SNTG1: variants seen among roughly 807,000 people sequenced by gnomAD.
SNTG1 encodes the protein gamma-1-syntrophin.
Under a neutral mutation model 74.7 loss-of-function variants are expected in SNTG1, and 39 were observed. The observed-to-expected ratio is 0.52, with a 90% CI of 0.40 to 0.68. SNTG1 has a LOEUF of 0.68. Ranked by LOEUF, SNTG1 falls within the 30% of genes least tolerant of loss-of-function variation. SNTG1 has a pLI of 0.00. For synonymous variants in SNTG1, 254 were observed against 217.1 expected, an observed-to-expected ratio of 1.17 and a Z score of -1.49; for missense variants, 685 against 609.5, an observed-to-expected ratio of 1.12 and a Z score of -1.30.
chr8:50,012,213 G>C (rs2130583029), intron 1 of SNTG1, among the ~76,000 whole-genome samples: 1 of 152,198 alleles, frequency 6.6e-6, no homozygotes, highest in South Asian at 2.1e-4. Context: ...TTTTTTTGTG[G>C]ACGTTGCCTG....
chr8:50,485,664 C>G (rs1272321158), intron 8 of SNTG1, among the ~76,000 whole-genome samples: 1 of 150,414 alleles, frequency 6.6e-6, no homozygotes, highest in African/African-American at 2.5e-5. Flanking sequence ...TGCAGAAGCT[C>G]TTTAGTTTAA....
At chr8:50,695,148 C>T (rs2095399376) in intron 15 of SNTG1, among the ~76,000 whole-genome samples, 1 of 151,304 alleles carries the variant, frequency 6.6e-6, no homozygotes, top group African/African-American at 2.4e-5. Context: ...CTAAATTGTC[C>T]CTGTTTGCAG....
At chr8:50,500,054 T>C (rs1213908440) in intron 8 of SNTG1, among the ~76,000 whole-genome samples, 1 of 152,068 alleles carries the variant, frequency 6.6e-6, no homozygotes, top group Non-Finnish European at 1.5e-5. Context: ...GGCAGGATTC[T>C]TTTGAGGTTT....
At chr8:49,937,891 C>A (rs1001134247) in intron 1 of SNTG1, among the ~76,000 whole-genome samples, 1 of 152,110 alleles carries the variant, frequency 6.6e-6, no homozygotes, top group East Asian at 1.9e-4. Context: ...TTCTGAGTTC[C>A]TTTTTGAAAC....
At chr8:50,637,145 T>C (rs1260221842) in intron 13 of SNTG1, among the ~76,000 whole-genome samples, 3 of 152,218 alleles carry the variant, frequency 2.0e-5, no homozygotes, top group Admixed American at 2.0e-4. Context: ...GCATGAGACA[T>C]GTAGTACCTT....
chr8:49,965,746 T>C (rs1368178086), intron 1 of SNTG1, among the ~76,000 whole-genome samples: 1 of 152,212 alleles, frequency 6.6e-6, no homozygotes, highest in African/African-American at 2.4e-5. Flanking sequence ...TTTTGCAATT[T>C]CAAAGATATT....
chr8:50,616,673 T>A (rs1332193436), intron 13 of SNTG1, among the ~76,000 whole-genome samples: 10 of 152,140 alleles, frequency 6.6e-5, no homozygotes, highest in African/African-American at 1.9e-4. Flanking sequence ...CCAAAGCCAA[T>A]CAACAAGATG....
At chr8:50,567,787 AT>A (rs1032477097) in intron 12 of SNTG1, among the ~76,000 whole-genome samples, 18 of 152,174 alleles carry the variant, frequency 1.2e-4, no homozygotes, top group African/African-American at 4.3e-4. Context: ...TAAAGATTGT[AT>A]AATGATCAAA....
At chr8:50,664,163 T>A (rs2095239284) in intron 15 of SNTG1, among the ~76,000 whole-genome samples, 1 of 152,164 alleles carries the variant, frequency 6.6e-6, no homozygotes, top group South Asian at 2.1e-4. Flanking sequence ...AACTAGAGTT[T>A]GGCTATTTTT....
chr8:50,510,522 T>A (rs897552048), intron 9 of SNTG1, among the ~76,000 whole-genome samples: 3 of 152,226 alleles, frequency 2.0e-5, no homozygotes, highest in Admixed American at 1.3e-4. Context: ...CTGGTAGAAT[T>A]CAACTGTGAA....
intron 12 of SNTG1, among the ~76,000 whole-genome samples, chr8:50,556,756 C>T (rs1484043018): frequency 1.3e-5 from 2 of 152,162 alleles, no homozygotes; most frequent in Non-Finnish European, 2.9e-5. Context: ...ATGTTCACTT[C>T]CTGGCATTTA....
intron 12 of SNTG1, among the ~76,000 whole-genome samples, chr8:50,586,230 A>G (rs953327698): frequency 6.6e-6 from 1 of 152,242 alleles, no homozygotes; most frequent in African/African-American, 2.4e-5. Context: ...TATATTAATT[A>G]TAATCACTAC....
intron 1 of SNTG1, among the ~76,000 whole-genome samples, chr8:50,087,364 A>G (rs1482875490): frequency 6.6e-6 from 1 of 152,170 alleles, no homozygotes; most frequent in Non-Finnish European, 1.5e-5. Context: ...GAGAGCTTCC[A>G]CAGTTCCAGA....
chr8:50,771,353 G>A (rs552430670), intron 18 of SNTG1, among the ~76,000 whole-genome samples: 22 of 152,182 alleles, frequency 1.4e-4, no homozygotes, highest in Middle Eastern at 3.4e-3. Context: ...GCATTATGTC[G>A]ATGCCCTAGT....
intron 2 of SNTG1, among the ~76,000 whole-genome samples, chr8:50,349,147 C>T (rs10102970): frequency 0.065 from 9,937 of 152,168 alleles, 351 homozygotes; most frequent in African/African-American, 0.072. Flanking sequence ...TACATTGTCC[C>T]TAGGTTTCAT....
At chr8:50,257,698 A>G (rs2086954224) in intron 2 of SNTG1, among the ~76,000 whole-genome samples, 1 of 152,184 alleles carries the variant, frequency 6.6e-6, no homozygotes, top group Non-Finnish European at 1.5e-5. Flanking sequence ...CAATAATGGA[A>G]CACTAGACAT....
At chr8:49,938,861 T>C (rs1808419573) in intron 1 of SNTG1, among the ~76,000 whole-genome samples, 1 of 151,938 alleles carries the variant, frequency 6.6e-6, no homozygotes, top group African/African-American at 2.4e-5. Flanking sequence ...CCTTCAGCAT[T>C]ATGTTTGTTG....
intron 1 of SNTG1, among the ~76,000 whole-genome samples, chr8:50,134,931 A>G (rs1474797597): frequency 1.3e-5 from 2 of 152,146 alleles, no homozygotes; most frequent in African/African-American, 4.8e-5. Flanking sequence ...ATTTACAATG[A>G]AAAAAAGGGT....
At chr8:50,470,778 G>A (rs759766668) in intron 8 of SNTG1, among the ~76,000 whole-genome samples, 1 of 152,168 alleles carries the variant, frequency 6.6e-6, no homozygotes, top group African/African-American at 2.4e-5. Flanking sequence ...GCAGCAGCAA[G>A]ATTTATGACA....
Sources: allele counts gnomAD v4.1 joint callset (sites outside exome capture counted in the v4.1 genomes callset), GRCh38; gene constraint gnomAD v4.1.1; transcripts MANE v1.5; gene names NCBI Gene and HGNC (gene_info 2026-07-23, HGNC 2026-07-21).